The following TNRC6B variants were observed in gnomAD, a reference collection of about 807,000 sequenced individuals.
The protein encoded by TNRC6B is trinucleotide repeat containing adaptor 6B.
A neutral mutation model predicts 203.6 loss-of-function variants in TNRC6B; 52 were observed. The observed-to-expected ratio is 0.26, with a 90% CI of 0.20 to 0.32. TNRC6B has a LOEUF of 0.32. Among genes scored for constraint, TNRC6B ranks in the 10% least tolerant of loss-of-function variants. The pLI, the probability that TNRC6B is intolerant of heterozygous loss-of-function variation, is 1.00. For synonymous variants in TNRC6B, 838 were observed against 845.7 expected, an observed-to-expected ratio of 0.99 and a Z score of 0.16; for missense variants, 1,923 against 2,286.2, an observed-to-expected ratio of 0.84 and a Z score of 3.24.
intron 1 of TNRC6B, among the ~76,000 whole-genome samples, chr22:40,048,287 A>G (rs1601782505): frequency 6.6e-6 from 1 of 152,160 alleles, no homozygotes; most frequent in East Asian, 1.9e-4. Context: ...CGCCTGTAAT[A>G]CCAGCACTTT....
intron 1 of TNRC6B, among the ~76,000 whole-genome samples, chr22:40,233,913 A>C (rs2069913497): frequency 6.6e-6 from 1 of 152,194 alleles, no homozygotes; most frequent in Non-Finnish European, 1.5e-5. Flanking sequence ...GCACATGCAC[A>C]GATTGGTCCT....
rs552949114 is a variant in TNRC6B at position 40,204,370 on chromosome 22, T to G, written c.5+26230T>G. Among the ~76,000 whole-genome samples the G allele has an allele frequency of 3.3e-5, 5 of 152,340 alleles. No individual in the cohort carries two copies. In the East Asian group the frequency reaches 5.8e-4, roughly 18 times the overall value. On this transcript the variant is annotated intron_variant, in intron 1 of 22. Transcript: ENST00000454349. The stretch of plus-strand genomic sequence containing the variant: ...CATGTAGGTTCAATTTTTTTTGCCT[T>G]TGTTGGGATGCTGTGGCCAGTAGCC...
chr22:40,159,274 A>G (rs2068850557), intron 4 of TNRC6B, among the ~76,000 whole-genome samples: 1 of 148,880 alleles, frequency 6.7e-6, no homozygotes, highest in African/African-American at 2.5e-5. Context: ...GAACTGAGTA[A>G]TTTTTTAATA....
At chr22:40,199,176 GA>G (rs1487429819) in intron 1 of TNRC6B, among the ~76,000 whole-genome samples, 1 of 152,068 alleles carries the variant, frequency 6.6e-6, no homozygotes, top group African/African-American at 2.4e-5. Context: ...GAGTAAAAAA[GA>G]AAACTAAGAG....
chr22:40,131,405 A>ATTT (rs34219543), intron 3 of TNRC6B, among the ~76,000 whole-genome samples: 7,387 of 146,822 alleles, frequency 0.05, 636 homozygotes, highest in African/African-American at 0.18. Flanking sequence ...GAGTTTAGGG[A>ATTT]TTTTTTTTTT....
At chr22:40,073,983 C>T (rs1477268143) in intron 1 of TNRC6B, among the ~76,000 whole-genome samples, 2 of 150,818 alleles carry the variant, frequency 1.3e-5, no homozygotes, top group South Asian at 2.1e-4. Flanking sequence ...GCAGGAGAAT[C>T]GCTTGAACCT....
intron 1 of TNRC6B, among the ~76,000 whole-genome samples, chr22:40,057,292 G>GTTTT (rs398037161): frequency 6.2e-5 from 8 of 130,012 alleles, no homozygotes; most frequent in East Asian, 2.2e-4. Flanking sequence ...AATATGCCAG[G>GTTTT]TTTTTTTTTT....
intron 5 of TNRC6B, among the ~76,000 whole-genome samples, chr22:40,269,545 T>TA (rs2070530548): frequency 2.6e-5 from 4 of 152,166 alleles, no homozygotes; most frequent in Admixed American, 2.6e-4. Context: ...TGAGTATTGT[T>TA]ATACATGTAA....
At position 40,265,911 on chromosome 22, in the gene TNRC6B, T is replaced by C. The variant is rs994941188; in HGVS notation, c.1681T>C (p.Ser561Pro). Reference sequence around the variant, plus strand: ...TGCCCAGGCTCCCTGTTGGGGAAGATCTTCCAGCTCCACAGGAAGTGAAGT... The same window carrying C: ...TGCCCAGGCTCCCTGTTGGGGAAGACCTTCCAGCTCCACAGGAAGTGAAGT... Reference protein sequence around the residue: ...GNAQAPCWGRSSSSTGSEVGG... With the variant: ...GNAQAPCWGRPSSSTGSEVGG... Residue 561 changes from serine to proline, a missense_variant, in exon 5 of 23, where the codon TCT becomes CCT. Physicochemically the swap from Ser to Pro is moderately conservative, Grantham distance 74 (BLOSUM62 -1). Transcript: ENST00000454349. 1 of 1,613,858 alleles carries C rather than the reference T, an allele frequency of 6.2e-7. No homozygotes were observed. The highest frequency in any genetic ancestry group is 1.3e-5 in the African/African-American group (1 of 74,908).
At chr22:40,186,883 A>G (rs556335872) in intron 1 of TNRC6B, among the ~76,000 whole-genome samples, 1 of 152,054 alleles carries the variant, frequency 6.6e-6, no homozygotes, top group Non-Finnish European at 1.5e-5. Flanking sequence ...TTGTACCAAG[A>G]CTTTGAAACC....
At chr22:40,295,474 C>CAAAA (rs5845457) in intron 12 of TNRC6B, among the ~76,000 whole-genome samples, 38 of 98,962 alleles carry the variant, frequency 3.8e-4, no homozygotes, top group African/African-American at 1.7e-3. Flanking sequence ...ACTCCATTTC[C>CAAAA]AAAAAAAAAA....
chr22:40,046,685 G>T (rs1246295780), intron 1 of TNRC6B, among the ~76,000 whole-genome samples: 1 of 132,436 alleles, frequency 7.6e-6, no homozygotes, highest in South Asian at 2.4e-4. Flanking sequence ...CAAAGATTGT[G>T]CCAGGCTGGA....
intron 3 of TNRC6B, among the ~76,000 whole-genome samples, chr22:40,253,242 C>T (rs569555987): frequency 8.0e-5 from 12 of 150,750 alleles, no homozygotes; most frequent in South Asian, 2.1e-4. Flanking sequence ...CCACCATGCC[C>T]GGCTAATTTT....
chr22:40,285,519 C>T, intron 11 of TNRC6B, 126 bp from the exon 12 acceptor site: 3 of 1,179,340 alleles, frequency 2.5e-6, no homozygotes, highest in South Asian at 3.5e-5. Context: ...TTCTCAGTTA[C>T]AAAATTCTGT....
intron 3 of TNRC6B, among the ~76,000 whole-genome samples, chr22:40,256,790 C>T (rs1001074760): frequency 6.6e-6 from 1 of 152,174 alleles, no homozygotes; most frequent in Non-Finnish European, 1.5e-5. Flanking sequence ...AAAGGAAGAG[C>T]TGAAGCACTA....
At chr22:40,319,427 T>C (rs796469731) in intron 21 of TNRC6B, among the ~76,000 whole-genome samples, 363 of 147,998 alleles carry the variant, frequency 2.5e-3, no homozygotes, top group African/African-American at 8.8e-3. Context: ...CTTTTCTTTT[T>C]TTTTTTTTTT....
intron 3 of TNRC6B, among the ~76,000 whole-genome samples, chr22:40,253,333 G>A (rs184129088): frequency 0.015 from 2,226 of 150,064 alleles, 21 homozygotes; most frequent in Non-Finnish European, 0.024. Context: ...CTCGTGATCC[G>A]CCTGCCTCGG....
intron 1 of TNRC6B, among the ~76,000 whole-genome samples, chr22:40,203,458 G>A (rs1210357921): frequency 6.6e-6 from 1 of 152,196 alleles, no homozygotes; most frequent in Admixed American, 6.5e-5. Context: ...ATGCAAAAAT[G>A]TACAAATTTT....
chr22:40,225,845 C>T (rs917693283), intron 1 of TNRC6B, among the ~76,000 whole-genome samples: 1 of 148,860 alleles, frequency 6.7e-6, no homozygotes, highest in South Asian at 2.2e-4. Flanking sequence ...ATTCACAGAA[C>T]ATTTCCCCTG....
Sources: allele counts gnomAD v4.1 joint callset (sites outside exome capture counted in the v4.1 genomes callset), GRCh38; gene constraint gnomAD v4.1.1; transcripts MANE v1.5; gene names NCBI Gene and HGNC (gene_info 2026-07-23, HGNC 2026-07-21).